CNST: variants seen among roughly 807,000 people sequenced by gnomAD.
CNST encodes consortin, connexin sorting protein.
CNST carries 39 observed loss-of-function variants against 72.4 expected under a neutral mutation model. The observed-to-expected ratio is 0.54, with a 90% CI of 0.42 to 0.70. The LOEUF (loss-of-function observed/expected upper bound fraction) is 0.70. Ranked by LOEUF, CNST falls within the 30% of genes least tolerant of loss-of-function variation. The pLI, the probability that CNST is intolerant of heterozygous loss-of-function variation, is 0.00. For synonymous variants in CNST, 332 were observed against 320.1 expected, an observed-to-expected ratio of 1.04 and a Z score of -0.40; for missense variants, 871 against 868.5, an observed-to-expected ratio of 1.00 and a Z score of -0.04.
At chr1:246,640,236 TAGG>T (rs1665597893) in intron 6 of CNST, among the ~76,000 whole-genome samples, 1 of 152,208 alleles carries the variant, frequency 6.6e-6, no homozygotes, top group Non-Finnish European at 1.5e-5. Context: ...TCTTTTTGGT[TAGG>T]AGATGAGCAG....
chr1:246,586,056 G>A (rs1661159897), intron 1 of CNST, among the ~76,000 whole-genome samples: 1 of 150,434 alleles, frequency 6.6e-6, no homozygotes, highest in Admixed American at 6.7e-5. Context: ...CTCCAGCCTG[G>A]GGGACAAAGT....
At chr1:246,661,694 G>A (rs904155491) in intron 10 of CNST, among the ~76,000 whole-genome samples, 6 of 152,184 alleles carry the variant, frequency 3.9e-5, no homozygotes, top group African/African-American at 7.2e-5. Context: ...AGAGTAAATG[G>A]AAAGGTAACC....
intron 6 of CNST, among the ~76,000 whole-genome samples, chr1:246,637,996 A>C (rs987635688): frequency 6.6e-6 from 1 of 152,164 alleles, no homozygotes; most frequent in Non-Finnish European, 1.5e-5. Context: ...GGCGGTGGCC[A>C]GAGGGAGCCC....
At chr1:246,579,923 C>T (rs1660678540) in intron 1 of CNST, among the ~76,000 whole-genome samples, 1 of 152,134 alleles carries the variant, frequency 6.6e-6, no homozygotes, top group South Asian at 2.1e-4. Flanking sequence ...AGCAAAGAAA[C>T]AAAGGCTTAT....
At chr1:246,656,210 T>A (rs1244537450) in intron 9 of CNST, among the ~76,000 whole-genome samples, 1 of 149,560 alleles carries the variant, frequency 6.7e-6, no homozygotes, top group Non-Finnish European at 1.5e-5. Context: ...TCTTCTTTAA[T>A]TTTGTGAGGA....
At chr1:246,581,545 G>C (rs981213107) in intron 1 of CNST, among the ~76,000 whole-genome samples, 1 of 152,234 alleles carries the variant, frequency 6.6e-6, no homozygotes, top group Non-Finnish European at 1.5e-5. Flanking sequence ...TTCCAGGCGT[G>C]AGCCATCACA....
chr1:246,648,232 T>A lies in CNST; in HGVS notation c.1836+195T>A, dbSNP rs559513934. On this transcript the variant is annotated intron_variant, in intron 9 of 10. Coordinates refer to ENST00000366513, the MANE Select transcript of CNST (RefSeq NM_152609.3). ...ATAAAATGACTTTTAATCATTGCAATGTTCATACTACAAGATGTTCTATTG... is the reference window on the plus strand; with the variant it reads ...ATAAAATGACTTTTAATCATTGCAAAGTTCATACTACAAGATGTTCTATTG... 83 of 1,364,068 alleles carry A rather than the reference T, an allele frequency of 6.1e-5. No individual in the cohort carries two copies. The South Asian group carries it at 1.3e-3, about 22-fold the overall frequency. 84.5% of individuals were successfully genotyped at this position (1,364,068 alleles called of 1,614,324 possible).
rs1667361917 is a variant in CNST at position 246,665,734 on chromosome 1, C to T, written c.2007C>T (p.Val669=). 1 of 1,613,320 alleles carries T rather than the reference C, an allele frequency of 6.2e-7. No individual in the cohort carries two copies. Among genetic ancestry groups the T allele is most frequent in the Non-Finnish European group, 8.5e-7 (1 of 1,180,046 alleles). Residue 669 remains valine (V), a synonymous_variant, in exon 11 of 11, where the codon GTC becomes GTT. Transcript: ENST00000366513. ...EVGGGSCILL[V]LLCIATVFLS... is the part of the protein sequence containing the mutation. The stretch of plus-strand genomic sequence containing the variant: ...GAGGTGGCTCCTGTATTTTGCTGGT[C>T]TTGCTGTGCATAGCAACGGTTTTCC...
chr1:246,618,189 C>T (rs1302594596), intron 2 of CNST, among the ~76,000 whole-genome samples: 1 of 152,190 alleles, frequency 6.6e-6, no homozygotes, highest in African/African-American at 2.4e-5. Flanking sequence ...GTAGCAAAAC[C>T]TCTGGAGATT....
chr1:246,668,046 G>A lies in CNST; in HGVS notation c.*2141G>A, dbSNP rs765031529. On this transcript the variant is annotated 3_prime_UTR_variant, in exon 11 of 11. Coordinates refer to ENST00000366513, the MANE Select transcript of CNST (RefSeq NM_152609.3). ...GGTGTCCTCGCCACTTCCCAGGGAGGGTGAGGTGAGCTCGGGAACATAACG... is the reference window on the plus strand; with the variant it reads ...GGTGTCCTCGCCACTTCCCAGGGAGAGTGAGGTGAGCTCGGGAACATAACG... 1.3e-5 allele frequency: 2 copies of A among 152,166 alleles called. No homozygotes were observed. The highest frequency in any genetic ancestry group is 2.9e-5 in the Non-Finnish European group (2 of 68,034). The allele number at this position is 152,166 out of a possible 1,614,324, so 9.4% of individuals were successfully genotyped here. A position where few individuals can be genotyped will look rare whatever the true frequency, so the allele number is the denominator to read the frequency against.
intron 1 of CNST, among the ~76,000 whole-genome samples, chr1:246,586,359 C>T (rs1439472918): frequency 6.8e-6 from 1 of 147,122 alleles, no homozygotes; most frequent in African/African-American, 2.5e-5. Context: ...AAATAAGATA[C>T]ATAGATATAT....
intron 8 of CNST, among the ~76,000 whole-genome samples, chr1:246,642,831 G>T: frequency 0.012 from 1 of 86 alleles, no homozygotes; most frequent in East Asian, 0.25. Flanking sequence ...TGATGATGGT[G>T]GTGATGGATG....
At position 246,619,931 on chromosome 1, in the gene CNST, G is replaced by A. The variant is rs1663946413; in HGVS notation, c.380-1498G>A. Among the ~76,000 whole-genome samples the A allele has an allele frequency of 2.3e-5, 3 of 129,430 alleles. No individual in the cohort carries two copies. In the South Asian group the frequency reaches 8.6e-4, roughly 37 times the overall value. The allele number at this position is 129,430 out of a possible 152,430, so 84.9% of individuals were successfully genotyped here. The stretch of plus-strand genomic sequence containing the variant: ...CGTGCATACACACGATGGGCTCTGG[G>A]AACACTACAGGGAGGACGGCTTCAG... On this transcript the variant is annotated intron_variant, in intron 2 of 10. Coordinates refer to ENST00000366513, the MANE Select transcript of CNST (RefSeq NM_152609.3).
intron 1 of CNST, among the ~76,000 whole-genome samples, chr1:246,586,405 CAT>C (rs144787819): frequency 0.023 from 3,377 of 147,160 alleles, 123 homozygotes; most frequent in African/African-American, 0.076. Context: ...AAATATATAA[CAT>C]ATCTTTTATA....
chr1:246,582,418 G>A (rs1170212687), intron 1 of CNST, among the ~76,000 whole-genome samples: 3 of 150,760 alleles, frequency 2.0e-5, no homozygotes, highest in East Asian at 1.9e-4. Context: ...GTGTGATCCC[G>A]GCTCCCTGCA....
At chr1:246,586,307 A>C (rs1331987289) in intron 1 of CNST, among the ~76,000 whole-genome samples, 1 of 147,856 alleles carries the variant, frequency 6.8e-6, no homozygotes, top group African/African-American at 2.5e-5. Context: ...TACATATACA[A>C]GCTCTATCTT....
chr1:246,644,020 A>G (rs1445890309), intron 8 of CNST, among the ~76,000 whole-genome samples: 2 of 152,168 alleles, frequency 1.3e-5, no homozygotes, highest in Non-Finnish European at 2.9e-5. Context: ...ATTTCGTGGC[A>G]TAGCTGCTGT....
At chr1:246,653,323 G>T (rs1472363704) in intron 9 of CNST, among the ~76,000 whole-genome samples, 1 of 152,168 alleles carries the variant, frequency 6.6e-6, no homozygotes, top group Non-Finnish European at 1.5e-5. Flanking sequence ...AGCTGCTGTG[G>T]GATTCTCTTG....
At chr1:246,606,089 A>G (rs1410161767) in intron 2 of CNST, 17 of 152,314 alleles carry the variant, frequency 1.1e-4, no homozygotes, top group Admixed American at 8.5e-4. Flanking sequence ...CACCTCGGAA[A>G]AAAAGAAAAA....
Sources: gnomAD v4.1 joint callset for allele counts (sites outside exome capture counted in the v4.1 genomes callset) on GRCh38, gnomAD v4.1.1 for gene constraint, MANE v1.5 for transcripts, NCBI Gene and HGNC (gene_info 2026-07-23, HGNC 2026-07-21) for gene names.